KCNN2: variants seen among roughly 807,000 people sequenced by gnomAD.
The protein encoded by KCNN2 is small conductance calcium-activated potassium channel protein 2.
In KCNN2, 24 loss-of-function variants were observed where a neutral mutation model predicts 55.5. That is an observed-to-expected ratio of 0.43 (90% CI 0.31 to 0.61). KCNN2 has a LOEUF of 0.61. Ranked by LOEUF, KCNN2 falls within the 20% of genes least tolerant of loss-of-function variation. KCNN2 has a pLI of 0.08. For missense variants in KCNN2, 754 were observed against 853.6 expected (o/e 0.88, Z 1.45); for synonymous variants, 431 against 336.1 (o/e 1.28, Z -3.09).
intron 1 of KCNN2, among the ~76,000 whole-genome samples, chr5:114,158,218 A>G (rs1402820544): frequency 6.6e-6 from 1 of 152,224 alleles, no homozygotes; most frequent in Non-Finnish European, 1.5e-5. Flanking sequence ...AGCTTTCTAC[A>G]TATGACTAGC....
At chr5:114,106,643 GTT>G (rs149036166) in intron 1 of KCNN2, among the ~76,000 whole-genome samples, 3 of 69,920 alleles carry the variant, frequency 4.3e-5, no homozygotes, top group Admixed American at 1.4e-4. Context: ...TTTTCCAGTT[GTT>G]TTTTTTTTTT....
intron 2 of KCNN2, among the ~76,000 whole-genome samples, chr5:114,312,587 C>T (rs1462223907): frequency 6.6e-6 from 1 of 151,120 alleles, no homozygotes; most frequent in African/African-American, 2.4e-5. Flanking sequence ...GCAGTAATGT[C>T]TAAGCCCTTC....
upstream of KCNN2, among the ~76,000 whole-genome samples, chr5:114,357,872 C>T (rs1757327703): frequency 6.6e-6 from 1 of 151,658 alleles, no homozygotes; most frequent in South Asian, 2.1e-4. Context: ...GAGGAATCGC[C>T]ACACTGACTT....
At chr5:114,421,462 T>C (rs1176328673) in intron 3 of KCNN2, among the ~76,000 whole-genome samples, 2 of 151,362 alleles carry the variant, frequency 1.3e-5, no homozygotes, top group African/African-American at 2.4e-5. Context: ...GGCTAATTTT[T>C]GTATTTTTAG....
At chr5:114,441,846 C>T (rs1328451578) in intron 3 of KCNN2, among the ~76,000 whole-genome samples, 1 of 152,116 alleles carries the variant, frequency 6.6e-6, no homozygotes, top group Non-Finnish European at 1.5e-5. Flanking sequence ...CACTTTGCTC[C>T]TAAAGATCTA....
chr5:114,235,950 T>C (rs941885783), intron 2 of KCNN2, among the ~76,000 whole-genome samples: 6 of 152,340 alleles, frequency 3.9e-5, no homozygotes, highest in African/African-American at 9.6e-5. Flanking sequence ...ATAAGTGTGC[T>C]GTGCTAGTAT....
intron 1 of KCNN2, among the ~76,000 whole-genome samples, chr5:114,193,808 GT>G (rs1753497482): frequency 6.6e-6 from 1 of 152,074 alleles, no homozygotes; most frequent in East Asian, 1.9e-4. Flanking sequence ...AAGAGATCTT[GT>G]TTTAAGGAGT....
At chr5:114,379,649 A>G (rs1758051510) in intron 2 of KCNN2, among the ~76,000 whole-genome samples, 1 of 87,364 alleles carries the variant, frequency 1.1e-5, no homozygotes, top group Admixed American at 1.2e-4. Context: ...AGAATATATT[A>G]TATAACATAT....
intron 2 of KCNN2, among the ~76,000 whole-genome samples, chr5:114,400,183 G>A (rs1207032115): frequency 6.6e-6 from 1 of 151,956 alleles, no homozygotes; most frequent in Non-Finnish European, 1.5e-5. Flanking sequence ...TCTTGTTTCT[G>A]TAGTTTCCCT....
intron 3 of KCNN2, among the ~76,000 whole-genome samples, chr5:114,455,458 A>G (rs560454420): frequency 1.3e-5 from 2 of 152,320 alleles, no homozygotes; most frequent in African/African-American, 4.8e-5. Context: ...CTGTTCCCCC[A>G]TCTCTCTCAC....
chr5:114,214,969 G>C (rs973554759), intron 1 of KCNN2, among the ~76,000 whole-genome samples: 1 of 152,104 alleles, frequency 6.6e-6, no homozygotes, highest in African/African-American at 2.4e-5. Context: ...GAGTAATATA[G>C]TCTGGTATTA....
At chr5:114,424,966 C>T (rs1017102019) in intron 3 of KCNN2, among the ~76,000 whole-genome samples, 3 of 151,942 alleles carry the variant, frequency 2.0e-5, no homozygotes, top group Admixed American at 6.6e-5. Flanking sequence ...CATCTAAAGA[C>T]GTTGTTTATA....
At chr5:114,295,418 C>A (rs936403484) in intron 2 of KCNN2, among the ~76,000 whole-genome samples, 7 of 152,194 alleles carry the variant, frequency 4.6e-5, no homozygotes, top group Non-Finnish European at 8.8e-5. Context: ...CACCCCTCCC[C>A]CAGCCTCGCT....
chr5:114,105,664 G>C (rs931866533), intron 1 of KCNN2, among the ~76,000 whole-genome samples: 1 of 151,790 alleles, frequency 6.6e-6, no homozygotes, highest in Admixed American at 6.6e-5. Flanking sequence ...AAAATACCAG[G>C]GTAATTTGTT....
chr5:114,223,922 G>A (rs1580635170), intron 2 of KCNN2, among the ~76,000 whole-genome samples: 1 of 152,084 alleles, frequency 6.6e-6, no homozygotes, highest in Admixed American at 6.5e-5. Context: ...GAACAATGTT[G>A]GTTCTATGGT....
chr5:114,376,798 A>T (rs1278022968), intron 2 of KCNN2, among the ~76,000 whole-genome samples: 1 of 152,170 alleles, frequency 6.6e-6, no homozygotes, highest in Non-Finnish European at 1.5e-5. Context: ...AAATCATCTC[A>T]TTGGCCAGCC....
chr5:114,173,725 C>A (rs1335970567), intron 1 of KCNN2, among the ~76,000 whole-genome samples: 4 of 151,186 alleles, frequency 2.6e-5, no homozygotes. Context: ...TTAATTCCTA[C>A]ATATTTAATT....
intron 2 of KCNN2, among the ~76,000 whole-genome samples, chr5:114,308,264 CTT>C (rs1046159987): frequency 2.0e-5 from 3 of 152,140 alleles, no homozygotes; most frequent in African/African-American, 7.2e-5. Context: ...ATTGTCATAT[CTT>C]TGTACAGCCA....
At chr5:114,073,838 A>G (rs1750626212) in intron 1 of KCNN2, among the ~76,000 whole-genome samples, 1 of 152,242 alleles carries the variant, frequency 6.6e-6, no homozygotes, top group Non-Finnish European at 1.5e-5. Context: ...AACAATATTG[A>G]ATATCTACCT....
Sources: allele counts gnomAD v4.1 joint callset (sites outside exome capture counted in the v4.1 genomes callset), GRCh38; gene constraint gnomAD v4.1.1; transcripts MANE v1.5; gene names NCBI Gene and HGNC (gene_info 2026-07-23, HGNC 2026-07-21).